Variants in PCDH9 observed in about 807,000 individuals in gnomAD.
The protein encoded by PCDH9 is protocadherin-9.
In PCDH9, 24 loss-of-function variants were observed where a neutral mutation model predicts 70.6. That is an observed-to-expected ratio of 0.34 (90% CI 0.25 to 0.48). The LOEUF (loss-of-function observed/expected upper bound fraction) is 0.48. Among genes scored for constraint, PCDH9 ranks in the 20% least tolerant of loss-of-function variants. The pLI is 0.99. For synonymous variants in PCDH9, 562 were observed against 558.5 expected (o/e 1.01, Z -0.09); for missense variants, 1,281 against 1,503.6 (o/e 0.85, Z 2.45).
chr13:66,635,896 G>T (rs574067867), intron 3 of PCDH9, among the ~76,000 whole-genome samples: 2 of 152,164 alleles, frequency 1.3e-5, no homozygotes, highest in East Asian at 1.9e-4. Flanking sequence ...TCTAATAGAT[G>T]ATTAGTAAGT....
rs1367437689 is a variant in PCDH9 at position 66,891,064 on chromosome 13, T to C, written c.3138+12440A>G. Among the ~76,000 whole-genome samples the C allele has an allele frequency of 4.6e-5, 7 of 152,214 alleles. 1 individual carries two copies. The East Asian group carries it at 7.7e-4, about 17-fold the overall frequency. On this transcript the variant is annotated intron_variant, in intron 3 of 4. Coordinates refer to ENST00000377865, the MANE Select transcript of PCDH9 (RefSeq NM_203487.3). ...TAAAATCATGCAGCATATAGCCTTC[T>C]GTGTCTGCTTGTTTTTTTCTCTTCC...
intron 2 of PCDH9, among the ~76,000 whole-genome samples, chr13:66,925,733 TATA>T (rs1258892682): frequency 6.6e-6 from 1 of 152,068 alleles, no homozygotes; most frequent in South Asian, 2.1e-4. Flanking sequence ...CATATCATAA[TATA>T]ATAATATGTA....
intron 4 of PCDH9, among the ~76,000 whole-genome samples, chr13:66,610,310 T>G (rs535462218): frequency 1.3e-5 from 2 of 151,858 alleles, no homozygotes; most frequent in African/African-American, 4.8e-5. Flanking sequence ...GAGAGAGCAT[T>G]TAGACTTCAC....
intron 3 of PCDH9, among the ~76,000 whole-genome samples, chr13:66,881,766 T>C (rs557504980): frequency 6.6e-6 from 1 of 152,312 alleles, no homozygotes; most frequent in South Asian, 2.1e-4. Flanking sequence ...ATATCTAATT[T>C]GTGTATATTC....
intron 2 of PCDH9, among the ~76,000 whole-genome samples, chr13:67,105,497 AGCCTATGTATTAACTATTATAAAACAT>A (rs1248525960): frequency 6.6e-6 from 1 of 152,102 alleles, no homozygotes; most frequent in Non-Finnish European, 1.5e-5. Flanking sequence ...AGATGAAGTG[AGCCTATGTATTAACTATTATAAAACAT>A]GCCTGTGAAA....
At chr13:67,078,931 C>G (rs1164802713) in intron 2 of PCDH9, among the ~76,000 whole-genome samples, 1 of 152,068 alleles carries the variant, frequency 6.6e-6, no homozygotes, top group Non-Finnish European at 1.5e-5. Context: ...AGTGGCCAGT[C>G]TGGACCTAGT....
chr13:67,145,562 TA>T (rs2087502955), intron 2 of PCDH9, among the ~76,000 whole-genome samples: 1 of 151,640 alleles, frequency 6.6e-6, no homozygotes. Context: ...CATTATAGTT[TA>T]TTCCATAGGT....
intron 3 of PCDH9, among the ~76,000 whole-genome samples, chr13:66,863,283 T>C (rs2081514087): frequency 6.6e-6 from 1 of 152,152 alleles, no homozygotes; most frequent in Non-Finnish European, 1.5e-5. Flanking sequence ...GCAGTGGAAA[T>C]AATAGTAACT....
chr13:66,903,451 G>C, intron 3 of PCDH9, 53 bp downstream of exon 3: 1 of 654,676 alleles, frequency 1.5e-6, no homozygotes, highest in Admixed American at 2.6e-5. Flanking sequence ...AAAATCATGA[G>C]GAAAATGAAA....
At chr13:67,066,194 G>A (rs974850412) in intron 2 of PCDH9, among the ~76,000 whole-genome samples, 10 of 151,886 alleles carry the variant, frequency 6.6e-5, no homozygotes, top group African/African-American at 9.7e-5. Flanking sequence ...TCAACTCAGT[G>A]GAATGCTTAA....
intron 3 of PCDH9, among the ~76,000 whole-genome samples, chr13:66,837,934 A>G (rs1246252713): frequency 6.6e-6 from 1 of 152,194 alleles, no homozygotes; most frequent in African/African-American, 2.4e-5. Flanking sequence ...AGGAAACGCA[A>G]TGGTAATAAG....
intron 2 of PCDH9, among the ~76,000 whole-genome samples, chr13:67,128,046 G>T (rs965411991): frequency 2.0e-5 from 3 of 152,076 alleles, no homozygotes; most frequent in Admixed American, 2.0e-4. Flanking sequence ...TCTGCAGGTG[G>T]CAGGTAATGT....
At chr13:66,704,871 A>C (rs1211300825) in intron 3 of PCDH9, among the ~76,000 whole-genome samples, 1 of 152,176 alleles carries the variant, frequency 6.6e-6, no homozygotes, top group Non-Finnish European at 1.5e-5. Flanking sequence ...TCATTTGGCT[A>C]AATAATACAT....
chr13:66,735,576 A>G (rs528394345), intron 3 of PCDH9, among the ~76,000 whole-genome samples: 2 of 152,338 alleles, frequency 1.3e-5, no homozygotes, highest in Admixed American at 6.5e-5. Context: ...GTTTTAAAAA[A>G]AAGCAACAAA....
chr13:66,942,928 A>T (rs1391640995), intron 2 of PCDH9, among the ~76,000 whole-genome samples: 1 of 152,110 alleles, frequency 6.6e-6, no homozygotes, highest in Non-Finnish European at 1.5e-5. Flanking sequence ...AAGAACAGAG[A>T]TGGTGCTTGT....
At chr13:66,780,600 A>T (rs1413313354) in intron 3 of PCDH9, among the ~76,000 whole-genome samples, 1 of 152,132 alleles carries the variant, frequency 6.6e-6, no homozygotes, top group Non-Finnish European at 1.5e-5. Flanking sequence ...AAGACCATCT[A>T]TTTTAAAATG....
chr13:66,798,544 G>A (rs2080280214), intron 3 of PCDH9, among the ~76,000 whole-genome samples: 1 of 152,124 alleles, frequency 6.6e-6, no homozygotes, highest in Non-Finnish European at 1.5e-5. Flanking sequence ...AGGCCTATTT[G>A]AAATGATCTC....
chr13:66,692,088 G>A (rs2078495994), intron 3 of PCDH9, among the ~76,000 whole-genome samples: 1 of 152,118 alleles, frequency 6.6e-6, no homozygotes, highest in Non-Finnish European at 1.5e-5. Context: ...GACTAGATGA[G>A]GAACATGCTA....
At chr13:66,370,640 A>G (rs181093903) in intron 4 of PCDH9, among the ~76,000 whole-genome samples, 1 of 151,460 alleles carries the variant, frequency 6.6e-6, no homozygotes, top group Non-Finnish European at 1.5e-5. Context: ...CCTCTTGAGT[A>G]GCTGGGACTA....
Sources: allele counts gnomAD v4.1 joint callset (sites outside exome capture counted in the v4.1 genomes callset), GRCh38; gene constraint gnomAD v4.1.1; transcripts MANE v1.5; gene names NCBI Gene and HGNC (gene_info 2026-07-23, HGNC 2026-07-21).